SYNE2: variants seen among roughly 807,000 people sequenced by gnomAD.
SYNE2 encodes spectrin repeat containing nuclear envelope protein 2.
Under a neutral mutation model 856.3 loss-of-function variants are expected in SYNE2, and 431 were observed. The ratio of observed to expected loss-of-function variants is 0.50; its 90% confidence interval spans 0.47 to 0.55. The LOEUF is 0.55. Ranked by LOEUF, SYNE2 falls within the 20% of genes least tolerant of loss-of-function variation. SYNE2 has a pLI of 0.00. For synonymous variants in SYNE2, 2,923 were observed against 2,872.3 expected (o/e 1.02, Z -0.56); for missense variants, 8,129 against 8,023.2 (o/e 1.01, Z -0.50).
intron 45 of SYNE2, among the ~76,000 whole-genome samples, chr14:64,039,401 G>C (rs936043961): frequency 1.4e-4 from 21 of 152,192 alleles, no homozygotes; most frequent in African/African-American, 4.1e-4. Context: ...AGAGCTCAGT[G>C]TTTTCAATGC....
At chr14:63,805,122 C>T (rs981796849) in intron 1 of SYNE2, among the ~76,000 whole-genome samples, 6 of 152,132 alleles carry the variant, frequency 3.9e-5, no homozygotes, top group Non-Finnish European at 7.3e-5. Context: ...GTACCGATAC[C>T]GTACTAGCCT....
At chr14:64,105,471 T>C (rs1229516255) in intron 64 of SYNE2, among the ~76,000 whole-genome samples, 2 of 152,208 alleles carry the variant, frequency 1.3e-5, no homozygotes, top group African/African-American at 4.8e-5. Flanking sequence ...ATGCCTTATA[T>C]ATGTCACTTA....
chr14:64,068,948 G>A (rs1195305331), intron 51 of SYNE2, among the ~76,000 whole-genome samples: 1 of 151,510 alleles, frequency 6.6e-6, no homozygotes, highest in African/African-American at 2.4e-5. Context: ...GTGGACACCA[G>A]AGCTTGGGAC....
At chr14:64,048,497 C>T (rs994249079) in intron 46 of SYNE2, 11 of 193,054 alleles carry the variant, frequency 5.7e-5, no homozygotes, top group Admixed American at 2.7e-4. Flanking sequence ...ACAATCAGTT[C>T]TATGAGGTTC....
At chr14:63,796,159 A>G (rs1229559502) in intron 1 of SYNE2, among the ~76,000 whole-genome samples, 1 of 152,188 alleles carries the variant, frequency 6.6e-6, no homozygotes, top group Non-Finnish European at 1.5e-5. Flanking sequence ...GCTAATATAA[A>G]TCAAATGTTG....
chr14:64,192,665 G>A (rs1043565898), intron 99 of SYNE2, among the ~76,000 whole-genome samples: 4 of 152,110 alleles, frequency 2.6e-5, no homozygotes, highest in African/African-American at 9.7e-5. Flanking sequence ...CTGTAAAGTA[G>A]ATACCATTGT....
chr14:63,920,162 C>T (rs1402804452), intron 2 of SYNE2, among the ~76,000 whole-genome samples: 1 of 151,860 alleles, frequency 6.6e-6, no homozygotes, highest in Non-Finnish European at 1.5e-5. Context: ...GGCACATCCT[C>T]TTCTAAAATG....
intron 83 of SYNE2, among the ~76,000 whole-genome samples, chr14:64,145,808 G>A (rs2098180188): frequency 6.6e-6 from 1 of 152,102 alleles, no homozygotes; most frequent in Non-Finnish European, 1.5e-5. Flanking sequence ...ATTTTATTTT[G>A]TATACATCTG....
chr14:63,968,087 T>C (rs990969805), intron 11 of SYNE2, among the ~76,000 whole-genome samples: 4 of 152,018 alleles, frequency 2.6e-5, no homozygotes, highest in African/African-American at 9.7e-5. Flanking sequence ...CACTTGAACC[T>C]GGGAGGCAGA....
At chr14:64,209,005 C>T in intron 101 of SYNE2, 60 bp downstream of exon 101, 1 of 1,569,700 alleles carries the variant, frequency 6.4e-7, no homozygotes. Context: ...ATACACCCTT[C>T]TGACCTCATT....
intron 1 of SYNE2, among the ~76,000 whole-genome samples, chr14:63,814,596 G>T (rs2139837890): frequency 7.6e-6 from 1 of 131,182 alleles, no homozygotes; most frequent in African/African-American, 2.8e-5. Flanking sequence ...ATATAATATA[G>T]ATCCTTATAT....
chr14:64,111,737 G>A (rs2097809434), intron 65 of SYNE2, among the ~76,000 whole-genome samples: 1 of 152,066 alleles, frequency 6.6e-6, no homozygotes, highest in African/African-American at 2.4e-5. Context: ...GGCGGAGGTT[G>A]CAGTGAGCCG....
In SYNE2 at chr14:64,027,550, G is replaced by A. The variant is rs1254538934; in HGVS notation, c.6471G>A (p.Met2157Ile). The A allele has an allele frequency of 1.2e-6, 2 of 1,610,910 alleles. No individual in the cohort carries two copies. The highest frequency in any genetic ancestry group is 1.3e-5 in the African/African-American group (1 of 74,844). The change falls in exon 43 of 116, where the codon ATG becomes ATA. Residue 2157 changes from methionine to isoleucine, a missense_variant. Met to Ile is a conservative substitution (Grantham distance 10). Transcript: ENST00000555002. ...AAAGTAAGGAGGATCTGAGATTAAT[G>A]CTCATAGAACTAAAGAAGAAACAGG... ...YLQSKEDLRL[M>I]LIELKKKQEA...
At position 64,053,568 on chromosome 14, in the gene SYNE2, A is replaced by G; in HGVS notation, c.9655A>G (p.Asn3219Asp). 1 of 1,614,208 alleles carries G rather than the reference A, an allele frequency of 6.2e-7. No homozygotes were observed. The highest frequency in any genetic ancestry group is 8.5e-7 in the Non-Finnish European group (1 of 1,180,020). The change falls in exon 48 of 116, where the codon AAC becomes GAC. Residue 3219 changes from asparagine (N) to aspartate (D), a missense_variant. By Grantham distance (23) the Asn-to-Asp change is conservative (BLOSUM62 1). Transcript: ENST00000555002. ...VTAIEKQREE[N>D]SSEASDVETK... Reference sequence around the variant, plus strand: ...TGCTATTGAGAAACAAAGAGAAGAAAACTCTTCTGAAGCGAGTGATGTGGA... The same window carrying G: ...TGCTATTGAGAAACAAAGAGAAGAAGACTCTTCTGAAGCGAGTGATGTGGA...
chr14:64,159,694 T>C (rs2098313209), intron 87 of SYNE2, among the ~76,000 whole-genome samples: 2 of 152,330 alleles, frequency 1.3e-5, no homozygotes, highest in Middle Eastern at 6.8e-3. Context: ...TGTACTCACT[T>C]ACAGACAGTA....
intron 45 of SYNE2, among the ~76,000 whole-genome samples, chr14:64,046,586 G>A (rs1595115973): frequency 6.6e-6 from 1 of 152,144 alleles, no homozygotes. Context: ...GAACTTCTGG[G>A]ATCAAGCAAT....
chr14:64,130,051 G>T lies in SYNE2; in HGVS notation c.14143G>T (p.Val4715Leu). ...LLQEVYKLED[V>L]LDSMWGMLRA... ...GCACCTGCTCTTCTCTTTTCAGGAT[G>T]TACTTGACAGTATGTGGGGAATGCT... Residue 4715 changes from valine (V) to leucine (L), a missense_variant, in exon 76 of 116, where the codon GTA (valine) becomes TTA (leucine). Coordinates refer to ENST00000555002, the MANE Select transcript of SYNE2 (RefSeq NM_182914.3). 6.2e-7 allele frequency: 1 copy of T among 1,613,752 alleles called. No homozygotes were observed. The highest frequency in any genetic ancestry group is 2.2e-5 in the East Asian group (1 of 44,886).
chr14:63,804,043 C>T (rs1313236540), intron 1 of SYNE2, among the ~76,000 whole-genome samples: 2 of 152,318 alleles, frequency 1.3e-5, no homozygotes, highest in Non-Finnish European at 1.5e-5. Flanking sequence ...GTTCTTGCTT[C>T]CCATTCACCT....
At position 64,034,346 on chromosome 14, in the gene SYNE2, T is replaced by C. The variant is rs146600289; in HGVS notation, c.7221+2989T>C. The C allele has an allele frequency of 6.3e-4, 244 of 386,924 alleles. 1 individual carries two copies. The East Asian group carries it at 7.6e-3, about 12-fold the overall frequency. 24.0% of individuals were successfully genotyped at this position (386,924 alleles called of 1,614,324 possible). On this transcript the variant is annotated intron_variant, in intron 45 of 115. Coordinates refer to ENST00000555002, the MANE Select transcript of SYNE2 (RefSeq NM_182914.3). ...GTTGTCACAGCTTAAAATCTAACACTAATTAAATTGCTAATTAATACTCAC... is the reference window on the plus strand; with the variant it reads ...GTTGTCACAGCTTAAAATCTAACACCAATTAAATTGCTAATTAATACTCAC...
Sources: allele counts gnomAD v4.1 joint callset (sites outside exome capture counted in the v4.1 genomes callset), GRCh38; gene constraint gnomAD v4.1.1; transcripts MANE v1.5; gene names NCBI Gene and HGNC (gene_info 2026-07-23, HGNC 2026-07-21).